Variants in DYSF observed in about 807,000 individuals in gnomAD.
DYSF encodes dysferlin, also known as dystrophy-associated fer-1-like 1.
DYSF carries 212 observed loss-of-function variants against 274.9 expected under a neutral mutation model. That is an observed-to-expected ratio of 0.77 (90% CI 0.69 to 0.86). The LOEUF (loss-of-function observed/expected upper bound fraction) is 0.86, where lower values mean the gene tolerates loss of function less well. DYSF is among the 40% of genes least tolerant of loss of function. The pLI is 0.00. For synonymous variants in DYSF, 1,091 were observed against 1,078.7 expected (o/e 1.01, Z -0.22); for missense variants, 2,666 against 2,783.2 (o/e 0.96, Z 0.95).
intron 10 of DYSF, among the ~76,000 whole-genome samples, chr2:71,519,656 T>G (rs1342379490): frequency 6.6e-6 from 1 of 152,116 alleles, no homozygotes; most frequent in Non-Finnish European, 1.5e-5. Flanking sequence ...TTCCTCTTTT[T>G]TTTTTGAGAC....
At chr2:71,576,234 A>C (rs1400039649) in intron 30 of DYSF, 1 of 152,842 alleles carries the variant, frequency 6.5e-6, no homozygotes, top group Admixed American at 6.5e-5. Flanking sequence ...AAAAACAAAA[A>C]ACAAAAACCA....
chr2:71,634,255 C>G (rs191039092), intron 41 of DYSF, among the ~76,000 whole-genome samples: 49 of 152,296 alleles, frequency 3.2e-4, no homozygotes, highest in African/African-American at 1.2e-3. Context: ...TTTCTTTTTC[C>G]TCCTTGCCAT....
intron 42 of DYSF, among the ~76,000 whole-genome samples, chr2:71,655,310 A>G (rs1023753829): frequency 1.3e-5 from 2 of 152,226 alleles, no homozygotes; most frequent in Non-Finnish European, 2.9e-5. Context: ...AACCTGTGTC[A>G]CTTGCATAAT....
intron 4 of DYSF, among the ~76,000 whole-genome samples, chr2:71,506,301 C>T (rs769987881): frequency 4.6e-5 from 7 of 152,154 alleles, no homozygotes; most frequent in Non-Finnish European, 8.8e-5. Context: ...GGTCATTCGC[C>T]TTCAGTTTCC....
At chr2:71,569,993 G>A (rs1038806793) in intron 27 of DYSF, 59 bp downstream of exon 27, 5 of 1,459,526 alleles carry the variant, frequency 3.4e-6, no homozygotes, top group Non-Finnish European at 4.8e-6. Flanking sequence ...GAGGCACCTG[G>A]TGCTCAGGGA....
intron 16 of DYSF, among the ~76,000 whole-genome samples, chr2:71,537,227 T>TGTTTTG (rs56733902): frequency 8.8e-4 from 111 of 125,690 alleles, no homozygotes; most frequent in Non-Finnish European, 1.3e-3. Flanking sequence ...AGTTTTGTTT[T>TGTTTTG]TTTTTTTTTT....
Position 71,568,160 on chromosome 2 carries a change from C to G in DYSF, c.2698-12C>G, listed in dbSNP as rs1416723100. 6.2e-7 allele frequency: 1 copy of G among 1,614,256 alleles called. No homozygotes were observed. The highest frequency in any genetic ancestry group is 1.1e-5 in the South Asian group (1 of 91,084). On this transcript the variant is annotated splice_polypyrimidine_tract_variant and intron_variant, in intron 25 of 55. Transcript: ENST00000410020. The stretch of plus-strand genomic sequence containing the variant: ...GCCCCCTGCTCACGCCTCATTCTTC[C>G]TGGCCCTCCAGTATGAGAACGAGAC...
At chr2:71,682,408 TG>T in intron 54 of DYSF, 121 bp from the exon 55 acceptor site, 1 of 1,258,562 alleles carries the variant, frequency 7.9e-7, no homozygotes, top group Non-Finnish European at 1.2e-6. Context: ...GGACAGGGCC[TG>T]GGCAGGCGCT....
chr2:71,617,575 G>T (rs887863401), intron 40 of DYSF, among the ~76,000 whole-genome samples: 2 of 151,720 alleles, frequency 1.3e-5, no homozygotes, highest in Admixed American at 6.6e-5. Context: ...TGTGGTAGAG[G>T]TGGTGTGTGT....
At chr2:71,594,407 G>A (rs1487804036) in intron 32 of DYSF, among the ~76,000 whole-genome samples, 1 of 152,128 alleles carries the variant, frequency 6.6e-6, no homozygotes, top group Non-Finnish European at 1.5e-5. Flanking sequence ...TGCACGCTTC[G>A]GGATTTACAA....
chr2:71,484,696 A>G (rs2083226018), intron 3 of DYSF, among the ~76,000 whole-genome samples: 1 of 151,974 alleles, frequency 6.6e-6, no homozygotes, highest in Non-Finnish European at 1.5e-5. Flanking sequence ...TCTGGATTCT[A>G]CTCTATCTCC....
At chr2:71,509,302 A>G (rs2085832442) in intron 4 of DYSF, among the ~76,000 whole-genome samples, 1 of 152,154 alleles carries the variant, frequency 6.6e-6, no homozygotes, top group African/African-American at 2.4e-5. Flanking sequence ...AGCTGGAACT[A>G]TAAGCGTGGG....
intron 4 of DYSF, among the ~76,000 whole-genome samples, chr2:71,510,636 C>G (rs533519219): frequency 6.6e-6 from 1 of 152,300 alleles, no homozygotes; most frequent in East Asian, 1.9e-4. Context: ...ATGTCGGGAG[C>G]CTTCAGGCCC....
intron 40 of DYSF, among the ~76,000 whole-genome samples, chr2:71,614,796 G>T (rs1020049294): frequency 6.6e-6 from 1 of 152,202 alleles, no homozygotes; most frequent in Non-Finnish European, 1.5e-5. Context: ...ATGGATGGAC[G>T]AATTTTCTGG....
intron 17 of DYSF, among the ~76,000 whole-genome samples, chr2:71,546,911 G>A (rs1202038768): frequency 2.6e-5 from 4 of 152,250 alleles, no homozygotes; most frequent in African/African-American, 7.2e-5. Context: ...ATGTTCCGGG[G>A]ACTGTGTGCA....
intron 42 of DYSF, among the ~76,000 whole-genome samples, chr2:71,650,427 G>A (rs1424671074): frequency 6.6e-6 from 1 of 152,148 alleles, no homozygotes; most frequent in Non-Finnish European, 1.5e-5. Context: ...ATTGCAGTGA[G>A]CCAAGATGGT....
Position 71,482,514 on chromosome 2 carries a change from G to C in DYSF, c.239+544G>C, listed in dbSNP as rs527386834. Among the ~76,000 whole-genome samples the C allele has an allele frequency of 3.3e-5, 5 of 152,218 alleles. No individual in the cohort carries two copies. The South Asian group carries it at 1.0e-3, about 32-fold the overall frequency. ...TTCCCTGTGTTGGGGTTTCTGCTGA[G>C]TTTTTCATGTACCTAGTGGTGGGTT... On this transcript the variant is annotated intron_variant, in intron 3 of 55. Transcript: ENST00000410020.
chr2:71,470,685 A>G (rs1339890271), intron 1 of DYSF, among the ~76,000 whole-genome samples: 2 of 150,236 alleles, frequency 1.3e-5, no homozygotes, highest in African/African-American at 4.9e-5. Flanking sequence ...AAAAAAAAAA[A>G]AAAAAAAAGA....
intron 41 of DYSF, among the ~76,000 whole-genome samples, chr2:71,621,849 C>A (rs1036832472): frequency 6.6e-6 from 1 of 151,832 alleles, no homozygotes; most frequent in Non-Finnish European, 1.5e-5. Flanking sequence ...TTAGTAGAGA[C>A]GGGGTTTCAC....
Sources: allele counts gnomAD v4.1 joint callset (sites outside exome capture counted in the v4.1 genomes callset), GRCh38; gene constraint gnomAD v4.1.1; transcripts MANE v1.5; gene names NCBI Gene and HGNC (gene_info 2026-07-23, HGNC 2026-07-21).